The following MAP3K19 variants were observed in gnomAD, a reference collection of about 807,000 sequenced individuals.
MAP3K19 encodes the protein SPS1/STE20-related protein kinase YSK4.
In MAP3K19, 91 loss-of-function variants were observed where a neutral mutation model predicts 114.4. That is an observed-to-expected ratio of 0.80 (90% CI 0.67 to 0.95). The LOEUF (loss-of-function observed/expected upper bound fraction) is 0.95, where lower values mean the gene tolerates loss of function less well. Ranked by LOEUF, MAP3K19 falls within the 40% of genes least tolerant of loss-of-function variation. The pLI, the probability that MAP3K19 is intolerant of heterozygous loss-of-function variation, is 0.00. For synonymous variants in MAP3K19, 518 were observed against 530.5 expected (o/e 0.98, Z 0.32); for missense variants, 1,471 against 1,573.2 (o/e 0.94, Z 1.10).
In MAP3K19 at chr2:134,991,593, A is replaced by G. The variant is rs1385129198; in HGVS notation, c.575-13T>C. The G allele has an allele frequency of 6.2e-7, 1 of 1,608,134 alleles. No homozygotes were observed. Among genetic ancestry groups the G allele is most frequent in the Non-Finnish European group, 8.5e-7 (1 of 1,174,640 alleles). ...GAGGTCGAAAACTCTACAACAAGAA[A>G]AACAATAACTGGATATTCTTAGTAG... On this transcript the variant is annotated splice_polypyrimidine_tract_variant and intron_variant, in intron 8 of 12. Coordinates refer to ENST00000392915, the MANE Select transcript of MAP3K19 (RefSeq NM_025052.5).
At chr2:135,025,275 CTTTAAA>C (rs1438315682) in intron 3 of MAP3K19, among the ~76,000 whole-genome samples, 1 of 149,236 alleles carries the variant, frequency 6.7e-6, no homozygotes, top group Non-Finnish European at 1.5e-5. Flanking sequence ...AGAATCTTCT[CTTTAAA>C]ATTAAGCTGA....
chr2:134,998,664 G>C, intron 8 of MAP3K19, 74 bp downstream of exon 8: 1 of 1,440,338 alleles, frequency 6.9e-7, no homozygotes, highest in Non-Finnish European at 9.3e-7. Context: ...CTAGCATTTA[G>C]AACAGTGCCT....
rs2105292775 is a variant in MAP3K19, at chr2:134,999,522, T to C, written c.314+415A>G. On this transcript the variant is annotated intron_variant, in intron 7 of 12. Transcript: ENST00000392915. The surrounding 1 kb of genome is among the most constrained non-coding windows in gnomAD (Gnocchi z 4.1). ...TTTGCCAAATTGCTTTGCAACTTTT[T>C]TAATGGTCACCCTCGCAGCCTGTCC... Among the ~76,000 whole-genome samples, 1 of 152,326 alleles carries C rather than the reference T, an allele frequency of 6.6e-6. No homozygotes were observed.
intron 3 of MAP3K19, 121 bp downstream of exon 3, chr2:135,030,190 CT>C (rs1688347388): frequency 6.6e-6 from 1 of 152,194 alleles, no homozygotes; most frequent in Admixed American, 6.5e-5. Flanking sequence ...TATGTTTTGT[CT>C]GAAACTTCCT....
rs757250651 is a variant in MAP3K19 at position 134,981,424 on chromosome 2, C to T, written c.3317G>A (p.Arg1106Gln). ...CAAATCTACTTCTTCCTGTAGTTTC[C>T]GGTATTCCTTTTCAGCAGCTAATTT... is the stretch of plus-strand genomic sequence containing the variant. ...SNKLAAEKEY[R>Q]KLQEEVDLLK... Residue 1106 changes from arginine to glutamine, a missense_variant, in exon 12 of 13, where the codon CGG becomes CAG. Transcript: ENST00000392915. 8.1e-6 allele frequency: 13 copies of T among 1,614,024 alleles called. No individual in the cohort carries two copies. Among genetic ancestry groups the T allele is most frequent in the East Asian group, 2.2e-5 (1 of 44,896 alleles).
intron 5 of MAP3K19, among the ~76,000 whole-genome samples, chr2:135,020,309 G>A (rs575753352): frequency 1.7e-4 from 26 of 152,146 alleles, no homozygotes; most frequent in Non-Finnish European, 2.4e-4. Flanking sequence ...GTGAGCCACC[G>A]TGCCTGTCTC....
intron 12 of MAP3K19, 45 bp downstream of exon 12, chr2:134,980,776 A>T (rs768076489): frequency 6.5e-7 from 1 of 1,549,258 alleles, no homozygotes; most frequent in South Asian, 1.2e-5. Context: ...TGCCACTTGG[A>T]ATCTCCGGGC....
chr2:134,976,042 C>A (rs1167562864), intron 12 of MAP3K19, among the ~76,000 whole-genome samples: 1 of 152,180 alleles, frequency 6.6e-6, no homozygotes, highest in Non-Finnish European at 1.5e-5. Context: ...TGCAGGACAC[C>A]ATGTGTGCTA....
intron 12 of MAP3K19, among the ~76,000 whole-genome samples, chr2:134,965,910 G>A (rs1282325970): frequency 6.6e-6 from 1 of 152,100 alleles, no homozygotes; most frequent in Non-Finnish European, 1.5e-5. Context: ...CCCAGCCTCT[G>A]ATAACTATCA....
chr2:134,997,819 A>AAAAAAAAAAAAAAAAAAAAAAAAAAAC (rs1686121125), intron 8 of MAP3K19, among the ~76,000 whole-genome samples: 4 of 150,424 alleles, frequency 2.7e-5, no homozygotes, highest in Non-Finnish European at 5.9e-5. Flanking sequence ...CTCCGTCTCA[A>AAAAAAAAAAAAAAAAAAAAAAAAAAAC]AAAAAAAAAA....
In MAP3K19 at chr2:134,986,353, A is replaced by C. The variant is rs1454815683; in HGVS notation, c.2519T>G (p.Leu840Arg). 1 of 1,613,710 alleles carries C rather than the reference A, an allele frequency of 6.2e-7. No individual in the cohort carries two copies. Among genetic ancestry groups the C allele is most frequent in the East Asian group, 2.2e-5 (1 of 44,876 alleles). ...LTTSLRDLQELEELHHQIPFI... is the reference protein window; with the variant it reads ...LTTSLRDLQEREELHHQIPFI... ...TGGGATCTGGTGATGTAGCTCTTCA[A>C]GTTCTTGCAGATCTCTGAGGCTTGT... Residue 840 changes from leucine (L) to arginine (R), a missense_variant, in exon 10 of 13, where the codon CTT becomes CGT. Physicochemically the swap from Leu to Arg is moderately radical, Grantham distance 102. Transcript: ENST00000392915.
rs867395339 is a variant in MAP3K19, at chr2:134,988,101, C to T, written c.771G>A (p.Glu257=). The part of the protein sequence containing the change: ...KLSVSVRQSD[E]LSPSNEPPGA... ...CCGGAGGCTCGTTTGATGGGCTGAGCTCATCAGATTGACGAACAGACACTG... is the reference window on the plus strand; with the variant it reads ...CCGGAGGCTCGTTTGATGGGCTGAGTTCATCAGATTGACGAACAGACACTG... The change falls in exon 10 of 13, where the codon GAG becomes GAA. Residue 257 remains glutamate, a synonymous_variant. Coordinates refer to ENST00000392915, the MANE Select transcript of MAP3K19 (RefSeq NM_025052.5). 1 of 1,614,124 alleles carries T rather than the reference C, an allele frequency of 6.2e-7. No individual in the cohort carries two copies. The highest frequency in any genetic ancestry group is 8.5e-7 in the Non-Finnish European group (1 of 1,180,000).
rs753401564 is a variant in MAP3K19 at position 134,981,044 on chromosome 2, AATATGGAGTCCCATGCATGG to A, written c.3677_3696del (p.Ser1226LeufsTer9). On this transcript the variant is annotated frameshift_variant, in exon 12 of 13. Coordinates refer to ENST00000392915, the MANE Select transcript of MAP3K19 (RefSeq NM_025052.5). LOFTEE classifies it high-confidence loss of function. ...TCATTGATGACTTCTGGGGCCATCC[AATATGGAGTCCCATGCATGG>A]ACTTAAGCATGTCACTGTGGGTGCC... 1.9e-6 allele frequency: 3 copies of A among 1,614,200 alleles called. No individual in the cohort carries two copies.
chr2:134,983,739 T>C lies in MAP3K19; in HGVS notation c.3159A>G (p.Leu1053=). 2 of 1,607,568 alleles carry C rather than the reference T, an allele frequency of 1.2e-6. No homozygotes were observed. The highest frequency in any genetic ancestry group is 1.7e-6 in the Non-Finnish European group (2 of 1,177,696). Residue 1053 remains leucine (L), a synonymous_variant, in exon 11 of 13, where the codon TTA becomes TTG. Transcript: ENST00000392915. ...TCCATAGGATAGGTTCTTCAGACTT[T>C]AAACTATTTTCAGAAAATATCTTCT... The part of the protein sequence containing the change: ...NEKKIFSENS[L]KSEEPILWTK...
Position 134,983,841 on chromosome 2 carries a change from A to G in MAP3K19, c.3073-16T>C, listed in dbSNP as rs1553537947. 1.9e-6 allele frequency: 3 copies of G among 1,543,240 alleles called. No individual in the cohort carries two copies. The highest frequency in any genetic ancestry group is 2.3e-5 in the Admixed American group (1 of 44,378). ...TACTATGCCTCTGGAAGAATGAGAC[A>G]AAAGGAAAGATGACCATTAAACCAA... On this transcript the variant is annotated splice_polypyrimidine_tract_variant and intron_variant, in intron 10 of 12. Transcript: ENST00000392915.
chr2:134,998,713 CT>C, intron 8 of MAP3K19, 24 bp downstream of exon 8: 1 of 1,580,674 alleles, frequency 6.3e-7, no homozygotes, highest in Non-Finnish European at 8.6e-7. Context: ...AAAGGACTCA[CT>C]GTGGAATTCA....
At chr2:135,009,705 G>T (rs1197547455) in intron 5 of MAP3K19, among the ~76,000 whole-genome samples, 1 of 151,800 alleles carries the variant, frequency 6.6e-6, no homozygotes, top group South Asian at 2.1e-4. Context: ...ATGATGACTA[G>T]CATTTACATA....
chr2:135,036,729 C>T (rs578252051), intron 2 of MAP3K19, among the ~76,000 whole-genome samples: 1 of 148,348 alleles, frequency 6.7e-6, no homozygotes, highest in African/African-American at 2.5e-5. Context: ...TGAAGGACAC[C>T]AACATTTAAG....
At chr2:135,028,574 AT>A (rs1243114211) in intron 3 of MAP3K19, among the ~76,000 whole-genome samples, 6 of 148,522 alleles carry the variant, frequency 4.0e-5, no homozygotes, top group South Asian at 2.1e-4. Flanking sequence ...AAAAAAAAAA[AT>A]TTAAAAAAAA....
Sources: allele counts gnomAD v4.1 joint callset (sites outside exome capture counted in the v4.1 genomes callset), GRCh38; gene constraint gnomAD v4.1.1; non-coding constraint Gnocchi (gnomAD v3.1); transcripts MANE v1.5; gene names NCBI Gene and HGNC (gene_info 2026-07-23, HGNC 2026-07-21).